The following CLSTN2 variants were observed in gnomAD, a reference collection of about 807,000 sequenced individuals.
The protein encoded by CLSTN2 is calsyntenin-2.
CLSTN2 carries 48 observed loss-of-function variants against 101.2 expected under a neutral mutation model. That is an observed-to-expected ratio of 0.47 (90% CI 0.38 to 0.60). CLSTN2 has a LOEUF of 0.60. Among genes scored for constraint, CLSTN2 ranks in the 20% least tolerant of loss-of-function variants. The pLI, the probability that CLSTN2 is intolerant of heterozygous loss-of-function variation, is 0.00. For missense variants in CLSTN2, 1,160 were observed against 1,238.2 expected, an observed-to-expected ratio of 0.94 and a Z score of 0.95; for synonymous variants, 481 against 463.6, an observed-to-expected ratio of 1.04 and a Z score of -0.48.
At chr3:140,494,280 T>A (rs917273618) in intron 8 of CLSTN2, among the ~76,000 whole-genome samples, 2 of 152,102 alleles carry the variant, frequency 1.3e-5, no homozygotes, top group Non-Finnish European at 2.9e-5. Context: ...CAAAGCCCAG[T>A]GCAAAAGTTT....
intron 1 of CLSTN2, among the ~76,000 whole-genome samples, chr3:140,068,582 C>T (rs2008339021): frequency 1.3e-5 from 2 of 152,218 alleles, no homozygotes; most frequent in African/African-American, 4.8e-5. Context: ...CACCTTGTGA[C>T]AGTTTGATTC....
At chr3:140,454,489 C>T (rs890921781) in intron 6 of CLSTN2, 2 of 152,128 alleles carry the variant, frequency 1.3e-5, no homozygotes, top group African/African-American at 4.8e-5. Flanking sequence ...TCAAAAAGTC[C>T]TCTGTGCCTA....
intron 6 of CLSTN2, chr3:140,449,818 T>C (rs1303877872): frequency 6.6e-6 from 1 of 152,204 alleles, no homozygotes; most frequent in Non-Finnish European, 1.5e-5. Flanking sequence ...GGGTAGAAAT[T>C]CAGCTCTGTC....
At chr3:140,416,138 A>C (rs1045938786) in intron 4 of CLSTN2, among the ~76,000 whole-genome samples, 1 of 152,208 alleles carries the variant, frequency 6.6e-6, no homozygotes, top group African/African-American at 2.4e-5. Context: ...TATCACTTGT[A>C]TGTGAAATCT....
At chr3:140,067,329 C>T (rs570823595) in intron 1 of CLSTN2, among the ~76,000 whole-genome samples, 180 of 152,216 alleles carry the variant, frequency 1.2e-3, no homozygotes, top group Non-Finnish European at 1.8e-3. Context: ...CTGCAAAATT[C>T]GTGTTCAGCT....
At chr3:140,240,209 C>T (rs1220167340) in intron 2 of CLSTN2, among the ~76,000 whole-genome samples, 336 of 17,420 alleles carry the variant, frequency 0.019, 2 homozygotes, top group Non-Finnish European at 0.062. Context: ...TACACACACA[C>T]ACACACACAC....
At chr3:140,564,808 T>C (rs1559906543) in intron 16 of CLSTN2, among the ~76,000 whole-genome samples, 1 of 152,228 alleles carries the variant, frequency 6.6e-6, no homozygotes, top group Non-Finnish European at 1.5e-5. Context: ...AGTCTGTATC[T>C]TTCCAGTTAG....
At chr3:140,538,815 T>C in intron 9 of CLSTN2, among the ~76,000 whole-genome samples, 1 of 152,192 alleles carries the variant, frequency 6.6e-6, no homozygotes, top group East Asian at 1.9e-4. Flanking sequence ...GCTCCAGTCC[T>C]ACAGGATACC....
At chr3:140,118,341 A>T (rs77960992) in intron 1 of CLSTN2, among the ~76,000 whole-genome samples, 2,645 of 152,284 alleles carry the variant, frequency 0.017, 73 homozygotes, top group African/African-American at 0.061. Context: ...ATTGAAAGAC[A>T]AAAGAAAAGT....
At chr3:140,021,081 T>C (rs1327679522) in intron 1 of CLSTN2, among the ~76,000 whole-genome samples, 1 of 152,222 alleles carries the variant, frequency 6.6e-6, no homozygotes. Context: ...ACTTTTACGA[T>C]GTGGGACTTG....
At chr3:140,353,394 C>G (rs2087633158) in intron 2 of CLSTN2, among the ~76,000 whole-genome samples, 1 of 152,116 alleles carries the variant, frequency 6.6e-6, no homozygotes, top group African/African-American at 2.4e-5. Flanking sequence ...GGGCGTGAAG[C>G]ATCCAGCATG....
intron 2 of CLSTN2, among the ~76,000 whole-genome samples, chr3:140,391,380 C>CGGGGGG (rs35354502): frequency 1.1e-5 from 1 of 87,106 alleles, no homozygotes; most frequent in Non-Finnish European, 2.6e-5. Flanking sequence ...GGGGGGTGGG[C>CGGGGGG]GGGAGGGGCG....
chr3:140,216,879 A>G (rs1261386221), intron 2 of CLSTN2, among the ~76,000 whole-genome samples: 1 of 152,244 alleles, frequency 6.6e-6, no homozygotes, highest in Non-Finnish European at 1.5e-5. Context: ...ATAATCTGAC[A>G]TATTTAATTG....
At chr3:140,346,183 G>A (rs2087544624) in intron 2 of CLSTN2, among the ~76,000 whole-genome samples, 2 of 152,178 alleles carry the variant, frequency 1.3e-5, no homozygotes. Flanking sequence ...TCTGAAAGGT[G>A]TGTATTCTAT....
intron 1 of CLSTN2, among the ~76,000 whole-genome samples, chr3:140,094,633 A>G (rs184450216): frequency 2.7e-4 from 41 of 152,344 alleles, no homozygotes; most frequent in Middle Eastern, 3.4e-3. Context: ...TAAAAATGTA[A>G]CATCATAAGT....
In CLSTN2 at chr3:140,391,215, G is replaced by A. The variant is rs1025434924; in HGVS notation, c.233-12414G>A. On this transcript the variant is annotated intron_variant, in intron 2 of 16. Coordinates refer to ENST00000458420, the MANE Select transcript of CLSTN2 (RefSeq NM_022131.3). ...CAACAGGCTTTCTATCAAAGTTTTA[G>A]CCTCCACGCTGTACCACGGGGTTGC... 2.0e-5 allele frequency among the ~76,000 whole-genome samples: 3 copies of A among 152,110 alleles called. No homozygotes were observed. In the South Asian group the frequency reaches 6.2e-4, roughly 32 times the overall value.
At chr3:140,155,888 C>T (rs1042931196) in intron 1 of CLSTN2, among the ~76,000 whole-genome samples, 5 of 152,178 alleles carry the variant, frequency 3.3e-5, no homozygotes, top group Non-Finnish European at 5.9e-5. Context: ...AAACCATTTC[C>T]AAGCTAATTA....
intron 4 of CLSTN2, among the ~76,000 whole-genome samples, chr3:140,405,060 G>A (rs923875577): frequency 6.6e-6 from 1 of 152,074 alleles, no homozygotes; most frequent in Non-Finnish European, 1.5e-5. Flanking sequence ...TGATTTCCTG[G>A]TCAAATTTTC....
chr3:140,562,346 C>G (rs1174745773), intron 13 of CLSTN2, 38 bp downstream of exon 13: 1 of 1,574,860 alleles, frequency 6.3e-7, no homozygotes, highest in Non-Finnish European at 8.6e-7. Context: ...CCAAGGGTGT[C>G]CTCTTAGAAT....
Sources: gnomAD v4.1 joint callset for allele counts (sites outside exome capture counted in the v4.1 genomes callset) on GRCh38, gnomAD v4.1.1 for gene constraint, MANE v1.5 for transcripts, NCBI Gene and HGNC (gene_info 2026-07-23, HGNC 2026-07-21) for gene names.